Variants in PFN4 observed in about 807,000 individuals in gnomAD.
PFN4 encodes profilin-4.
Under a neutral mutation model 16.3 loss-of-function variants are expected in PFN4, and 10 were observed. That is an observed-to-expected ratio of 0.61 (90% CI 0.38 to 1.04). PFN4 has a LOEUF of 1.04. Among genes scored for constraint, PFN4 ranks in the 50% least tolerant of loss-of-function variants. The probability of loss-of-function intolerance (pLI) is 0.01; values close to 1 mark genes in which losing one functional copy is unlikely to be tolerated. For missense variants in PFN4, 136 were observed against 153.6 expected, an observed-to-expected ratio of 0.89 and a Z score of 0.61; for synonymous variants, 54 against 56.9, an observed-to-expected ratio of 0.95 and a Z score of 0.23.
At chr2:24,117,461 G>A (rs1346861285) in intron 4 of PFN4, among the ~76,000 whole-genome samples, 2 of 140,182 alleles carry the variant, frequency 1.4e-5, no homozygotes, top group African/African-American at 5.4e-5. Context: ...TTTTTTTCTC[G>A]AGACAGAGTC....
At chr2:24,122,806 C>T (rs1666162433) in intron 1 of PFN4, 2 of 324,260 alleles carry the variant, frequency 6.2e-6, no homozygotes, top group East Asian at 1.1e-4. Context: ...GATTTTCTGG[C>T]TATGTCAATG....
intron 4 of PFN4, among the ~76,000 whole-genome samples, chr2:24,116,101 G>A (rs1665908678): frequency 6.6e-6 from 1 of 151,938 alleles, no homozygotes; most frequent in African/African-American, 2.4e-5. Context: ...GGCCGAGGTG[G>A]GTTGATCATG....
At chr2:24,119,134 A>G (rs1480835548) in intron 4 of PFN4, among the ~76,000 whole-genome samples, 1 of 151,184 alleles carries the variant, frequency 6.6e-6, no homozygotes, top group Non-Finnish European at 1.5e-5. Flanking sequence ...TATAGGGTAG[A>G]CCCCCAGCAG....
chr2:24,121,866 C>T (rs902426297), intron 2 of PFN4, among the ~76,000 whole-genome samples: 3 of 152,144 alleles, frequency 2.0e-5, no homozygotes, highest in African/African-American at 7.2e-5. Flanking sequence ...GTGGAAGCAG[C>T]CTGAGGCTTT....
intron 4 of PFN4, among the ~76,000 whole-genome samples, chr2:24,118,549 A>G (rs1488847238): frequency 2.0e-5 from 3 of 152,222 alleles, no homozygotes; most frequent in African/African-American, 2.4e-5. Flanking sequence ...GGGATTCACA[A>G]TCTAGATAAA....
intron 4 of PFN4, among the ~76,000 whole-genome samples, chr2:24,115,939 A>G (rs1297094104): frequency 2.0e-5 from 3 of 150,614 alleles, no homozygotes; most frequent in Non-Finnish European, 4.4e-5. Flanking sequence ...TGAATAATGC[A>G]TATGGCTGGG....
In PFN4 at chr2:24,121,162, C is replaced by T. The variant is rs774415070; in HGVS notation, c.255+1G>A. On this transcript the variant is annotated splice_donor_variant, in intron 3 of 4. Transcript: ENST00000313213. LOFTEE classifies it high-confidence loss of function. ...GCTCTCTTCAAATCTTGAGCACTCA[C>T]ATTTTTGGCATAAAGAGAATATTCA... 1.9e-5 allele frequency: 31 copies of T among 1,614,016 alleles called. No homozygotes were observed. Among genetic ancestry groups the T allele is most frequent in the Non-Finnish European group, 2.5e-5 (30 of 1,179,978 alleles).
chr2:24,121,031 TGCTATCTCAAGACAATG>T (rs1290997142), intron 3 of PFN4, 115 bp downstream of exon 3: 58 of 1,207,696 alleles, frequency 4.8e-5, no homozygotes, highest in Non-Finnish European at 2.0e-5. Context: ...GGCACTAGAC[TGCTATCTCAAGACAATG>T]GCTCAAGACA....
In PFN4 at chr2:24,119,591, G is replaced by A. The variant is rs942308357; in HGVS notation, c.347C>T (p.Ala116Val). 6.2e-7 allele frequency: 1 copy of A among 1,613,370 alleles called. No individual in the cohort carries two copies. The highest frequency in any genetic ancestry group is 8.5e-7 in the Non-Finnish European group (1 of 1,179,618). Reference protein sequence around the residue: ...EGMYPSICVEATESLGDYLRK... With the variant: ...EGMYPSICVEVTESLGDYLRK... ...GGCCAACTTACCCAGGCTCTCTGTG[G>A]CTTCCACACAGATGCTAGGATACAT... The change falls in exon 4 of 5, where the codon GCC (alanine) becomes GTC (valine). Residue 116 changes from alanine to valine, a missense_variant. Coordinates refer to ENST00000313213, the MANE Select transcript of PFN4 (RefSeq NM_199346.3).
chr2:24,117,750 C>A (rs1665969130), intron 4 of PFN4, among the ~76,000 whole-genome samples: 1 of 152,126 alleles, frequency 6.6e-6, no homozygotes, highest in Non-Finnish European at 1.5e-5. Context: ...GCCTGTAATT[C>A]TTTACTTCCC....
chr2:24,123,375 G>C (rs1666189762), upstream of PFN4: 1 of 152,194 alleles, frequency 6.6e-6, no homozygotes, highest in African/African-American at 2.4e-5. Context: ...AGCGACTCCA[G>C]CCCCTTCCGC....
chr2:24,118,481 A>G (rs997684534), intron 4 of PFN4, among the ~76,000 whole-genome samples: 1 of 152,232 alleles, frequency 6.6e-6, no homozygotes, highest in African/African-American at 2.4e-5. Context: ...ACCCAACATC[A>G]GACACTGTGT....
At chr2:24,116,862 A>G (rs944740129) in intron 4 of PFN4, among the ~76,000 whole-genome samples, 2 of 151,276 alleles carry the variant, frequency 1.3e-5, no homozygotes, top group African/African-American at 4.9e-5. Flanking sequence ...GGCTGATAGA[A>G]TGAAACTGTG....
chr2:24,115,354 A>G lies in PFN4; in HGVS notation c.*229T>C, dbSNP rs111504414. On this transcript the variant is annotated 3_prime_UTR_variant, in exon 5 of 5. Coordinates refer to ENST00000313213, the MANE Select transcript of PFN4 (RefSeq NM_199346.3). ...AATAGATATGCTCTGTGAAATGATC[A>G]GTGCTCTCTCATTCCATGCCGATGA... 1.9e-6 allele frequency: 1 copy of G among 529,782 alleles called. No individual in the cohort carries two copies. The highest frequency in any genetic ancestry group is 3.4e-6 in the Non-Finnish European group (1 of 294,320). The allele number at this position is 529,782 out of a possible 1,614,324, so 32.8% of individuals were successfully genotyped here.
intron 3 of PFN4, among the ~76,000 whole-genome samples, 170 bp downstream of exon 3, chr2:24,120,993 T>C (rs937861675): frequency 3.4e-5 from 5 of 148,812 alleles, no homozygotes; most frequent in Non-Finnish European, 7.5e-5. Flanking sequence ...AGGCTCTTGA[T>C]AGGACTTTCT....
At chr2:24,119,164 C>T (rs577427006) in intron 4 of PFN4, among the ~76,000 whole-genome samples, 2 of 152,108 alleles carry the variant, frequency 1.3e-5, no homozygotes, top group South Asian at 4.1e-4. Flanking sequence ...TGCCTTTTTA[C>T]CCTGCTGTCT....
At chr2:24,122,355 A>AT in intron 2 of PFN4, 64 bp downstream of exon 2, 1 of 1,239,050 alleles carries the variant, frequency 8.1e-7, no homozygotes, top group Non-Finnish European at 1.2e-6. Flanking sequence ...TGTCTGCTTC[A>AT]TTTTTTGGAA....
rs775630470 is a variant in PFN4, at chr2:24,115,662, A to T, written c.362-51T>A. On this transcript the variant is annotated intron_variant, in intron 4 of 4. Coordinates refer to ENST00000313213, the MANE Select transcript of PFN4 (RefSeq NM_199346.3). ...TATTTATGAGCTGCAAATTATCACT[A>T]CAAATGATTCATTCATCCATTTATT... 3.8e-6 allele frequency: 6 copies of T among 1,568,698 alleles called. No individual in the cohort carries two copies. In the African/African-American group the frequency reaches 8.1e-5, roughly 21 times the overall value.
At chr2:24,115,700 T>C (rs1187604687) in intron 4 of PFN4, 89 bp from the exon 5 acceptor site, 23 of 1,432,142 alleles carry the variant, frequency 1.6e-5, no homozygotes, top group Non-Finnish European at 2.0e-5. Flanking sequence ...TCCACAAACA[T>C]TGCCAGGTGA....
Sources: allele counts gnomAD v4.1 joint callset (sites outside exome capture counted in the v4.1 genomes callset), GRCh38; gene constraint gnomAD v4.1.1; transcripts MANE v1.5; gene names NCBI Gene and HGNC (gene_info 2026-07-23, HGNC 2026-07-21).